The following RAB38 variants were observed in gnomAD, a reference collection of about 807,000 sequenced individuals.
The protein encoded by RAB38 is RAB38, member RAS oncogene family.
A neutral mutation model predicts 18.4 loss-of-function variants in RAB38; 15 were observed. The observed-to-expected ratio is 0.82, with a 90% CI of 0.55 to 1.26. RAB38 has a LOEUF of 1.26. Among genes scored for constraint, RAB38 ranks in the 50% most tolerant of loss-of-function variants. The pLI is 0.00. For synonymous variants in RAB38, 101 were observed against 104.4 expected (o/e 0.97, Z 0.20); for missense variants, 294 against 267.4 (o/e 1.10, Z -0.69).
At chr11:88,037,263 G>C in the RAB38 span, among the ~76,000 whole-genome samples, 990 of 151,950 alleles carry the variant, frequency 6.5e-3, 13 homozygotes, top group African/African-American at 0.023. Flanking sequence ...TCATAAGTTT[G>C]TTCATTTCAT....
the RAB38 span, among the ~76,000 whole-genome samples, chr11:87,962,504 G>A: frequency 9.0e-4 from 131 of 145,880 alleles, no homozygotes; most frequent in African/African-American, 3.1e-3. Flanking sequence ...GCGGGGGCAG[G>A]GGGCAGGGGG....
the RAB38 span, among the ~76,000 whole-genome samples, chr11:87,907,102 AGTTAT>A: frequency 1.3e-5 from 2 of 151,910 alleles, no homozygotes; most frequent in Admixed American, 6.6e-5. Flanking sequence ...TAGATTAAAT[AGTTAT>A]GTATGGTATG....
At chr11:87,924,655 C>T in the RAB38 span, among the ~76,000 whole-genome samples, 1 of 151,976 alleles carries the variant, frequency 6.6e-6, no homozygotes. Context: ...ATGTTGCATA[C>T]ACACTTTGAG....
intron 1 of RAB38, among the ~76,000 whole-genome samples, chr11:88,152,005 G>A (rs1027154541): frequency 6.6e-5 from 10 of 152,220 alleles, no homozygotes; most frequent in African/African-American, 2.2e-4. Context: ...GCAAAATACT[G>A]TCCACATGAC....
chr11:87,955,873 GCACA>G, the RAB38 span, among the ~76,000 whole-genome samples: 9,812 of 148,230 alleles, frequency 0.066, 393 homozygotes, highest in Admixed American at 0.13. Flanking sequence ...CAAACAGTAT[GCACA>G]CACACACACA....
the RAB38 span, among the ~76,000 whole-genome samples, chr11:87,943,898 C>T: frequency 6.6e-6 from 1 of 152,064 alleles, no homozygotes; most frequent in Non-Finnish European, 1.5e-5. Flanking sequence ...CTTACTTTTC[C>T]ATTTATAAAC....
the RAB38 span, among the ~76,000 whole-genome samples, chr11:87,929,834 G>A: frequency 4.0e-5 from 6 of 150,372 alleles, 1 homozygote; most frequent in South Asian, 4.2e-4. Context: ...TTGTCCTTGC[G>A]ATAGTTTGCT....
the RAB38 span, among the ~76,000 whole-genome samples, chr11:87,914,897 C>A: frequency 6.6e-6 from 1 of 152,150 alleles, no homozygotes. Context: ...TAAGCTTTGG[C>A]AGCTTCTACA....
Position 88,149,969 on chromosome 11 carries a change from G to A in RAB38, c.203-14C>T. On this transcript the variant is annotated splice_polypyrimidine_tract_variant and intron_variant, in intron 1 of 2. Coordinates refer to ENST00000243662, the MANE Select transcript of RAB38 (RefSeq NM_022337.3). ...ATCTTTCTTGACCTGACACCAAAAA[G>A]AAATAAAAATAAAAATGTATTAAAA... 5 of 1,580,218 alleles carry A rather than the reference G, an allele frequency of 3.2e-6. No homozygotes were observed. Among genetic ancestry groups the A allele is most frequent in the South Asian group, 2.3e-5 (2 of 85,784 alleles).
chr11:87,861,237 C>A, the RAB38 span, among the ~76,000 whole-genome samples: 1 of 151,920 alleles, frequency 6.6e-6, no homozygotes, highest in Admixed American at 6.6e-5. Context: ...CAATAGCCAA[C>A]ACCATACACA....
At chr11:88,063,108 T>G in the RAB38 span, among the ~76,000 whole-genome samples, 5 of 152,102 alleles carry the variant, frequency 3.3e-5, no homozygotes, top group Non-Finnish European at 4.4e-5. Flanking sequence ...ACCACTTATA[T>G]CAAGAGAGAG....
At chr11:87,902,726 T>A in the RAB38 span, among the ~76,000 whole-genome samples, 2 of 151,432 alleles carry the variant, frequency 1.3e-5, no homozygotes, top group African/African-American at 4.8e-5. Flanking sequence ...TGTACTTGTA[T>A]CTATGCGTTT....
At chr11:88,040,903 A>T in the RAB38 span, among the ~76,000 whole-genome samples, 1 of 152,188 alleles carries the variant, frequency 6.6e-6, no homozygotes, top group African/African-American at 2.4e-5. Flanking sequence ...ACAGCCCCTT[A>T]AAATTATTTT....
intron 1 of RAB38, among the ~76,000 whole-genome samples, chr11:88,171,435 G>A (rs960034338): frequency 1.3e-5 from 2 of 152,196 alleles, no homozygotes; most frequent in Non-Finnish European, 2.9e-5. Context: ...TTTTATAGAT[G>A]AGGCAATTGA....
At chr11:88,127,757 C>G (rs897954832) in intron 2 of RAB38, among the ~76,000 whole-genome samples, 1 of 152,088 alleles carries the variant, frequency 6.6e-6, no homozygotes, top group East Asian at 1.9e-4. Context: ...TCTGATAGAC[C>G]AATGCTCCCT....
chr11:88,067,355 A>G, the RAB38 span, among the ~76,000 whole-genome samples: 1 of 151,420 alleles, frequency 6.6e-6, no homozygotes, highest in African/African-American at 2.4e-5. Flanking sequence ...GCAAATGAAA[A>G]AAAAAAAAAA....
intron 1 of RAB38, among the ~76,000 whole-genome samples, chr11:88,162,326 C>T (rs1358299534): frequency 1.3e-5 from 2 of 152,112 alleles, no homozygotes; most frequent in Non-Finnish European, 2.9e-5. Flanking sequence ...TCTTCCCCTA[C>T]AAAATAACAA....
the RAB38 span, among the ~76,000 whole-genome samples, chr11:88,104,165 TG>T: frequency 2.1e-3 from 315 of 152,274 alleles, no homozygotes; most frequent in African/African-American, 7.2e-3. Flanking sequence ...TTTCCCTCTT[TG>T]GATGCGCTCC....
the RAB38 span, among the ~76,000 whole-genome samples, chr11:87,957,105 C>T: frequency 1.3e-5 from 2 of 152,006 alleles, no homozygotes; most frequent in South Asian, 4.1e-4. Flanking sequence ...TAAGTAATAA[C>T]TTACAGTGGG....
Sources: allele counts gnomAD v4.1 joint callset (sites outside exome capture counted in the v4.1 genomes callset), GRCh38; gene constraint gnomAD v4.1.1; transcripts MANE v1.5; gene names NCBI Gene and HGNC (gene_info 2026-07-23, HGNC 2026-07-21).